Variants in RELL1 observed in about 807,000 individuals in gnomAD.
RELL1 encodes RELT-like protein 1.
A neutral mutation model predicts 23.0 loss-of-function variants in RELL1; 10 were observed. The observed-to-expected ratio is 0.43, with a 90% CI of 0.27 to 0.74. The LOEUF (loss-of-function observed/expected upper bound fraction) is 0.74, where lower values mean the gene tolerates loss of function less well. RELL1 is among the 30% of genes least tolerant of loss of function. The probability of loss-of-function intolerance (pLI) is 0.19; values close to 1 mark genes in which losing one functional copy is unlikely to be tolerated. For missense variants in RELL1, 315 were observed against 364.4 expected (o/e 0.86, Z 1.10); for synonymous variants, 146 against 146.8 (o/e 0.99, Z 0.04).
chr4:37,640,649 T>C (rs1720496488), intron 3 of RELL1, among the ~76,000 whole-genome samples: 2 of 152,198 alleles, frequency 1.3e-5, no homozygotes, highest in Admixed American at 6.5e-5. Flanking sequence ...TAATACCTAA[T>C]ACAATGGAAA....
At chr4:37,604,776 G>GACACAGAC (rs1719109099) in intron 6 of RELL1, among the ~76,000 whole-genome samples, 1 of 72,552 alleles carries the variant, frequency 1.4e-5, no homozygotes, top group Non-Finnish European at 3.2e-5. Context: ...CACACACACA[G>GACACAGAC]ACACACACAG....
intron 1 of RELL1, among the ~76,000 whole-genome samples, chr4:37,660,872 A>T (rs565887806): frequency 3.6e-4 from 55 of 152,248 alleles, no homozygotes; most frequent in Non-Finnish European, 6.8e-4. Context: ...TCTACTAAAA[A>T]TATAACAGAT....
intron 1 of RELL1, among the ~76,000 whole-genome samples, chr4:37,657,494 G>A (rs1434386610): frequency 2.6e-5 from 4 of 152,184 alleles, no homozygotes; most frequent in Non-Finnish European, 2.9e-5. Flanking sequence ...GAGACAGAGC[G>A]GGAGTATGAA....
At chr4:37,607,566 TTTTC>T (rs1484430463), downstream of RELL1, among the ~76,000 whole-genome samples, 1 of 129,746 alleles carries the variant, frequency 7.7e-6, no homozygotes, top group African/African-American at 2.9e-5. Context: ...CCATCAGCAC[TTTTC>T]TTTCTTTTCT....
chr4:37,659,664 A>T (rs1030472675), intron 1 of RELL1, among the ~76,000 whole-genome samples: 8 of 152,132 alleles, frequency 5.3e-5, no homozygotes, highest in African/African-American at 1.9e-4. Context: ...CTCATCTGAA[A>T]AATTAGAAGC....
At chr4:37,588,142 T>G (rs1352336116), downstream of RELL1, 1 of 152,104 alleles carries the variant, frequency 6.6e-6, no homozygotes, top group Non-Finnish European at 1.5e-5. Flanking sequence ...AAGCCCAGCT[T>G]GGGGAGGGGT....
intron 3 of RELL1, among the ~76,000 whole-genome samples, chr4:37,642,162 C>T (rs1473340104): frequency 3.9e-5 from 6 of 152,148 alleles, no homozygotes; most frequent in Non-Finnish European, 5.9e-5. Flanking sequence ...AGAACCCACT[C>T]GGTACTCACA....
chr4:37,664,901 G>A (rs114570785), intron 1 of RELL1, among the ~76,000 whole-genome samples: 2,571 of 152,066 alleles, frequency 0.017, 77 homozygotes, highest in African/African-American at 0.059. Context: ...GACATACCAC[G>A]GTCAAAGGCA....
intron 6 of RELL1, among the ~76,000 whole-genome samples, chr4:37,617,651 C>T (rs1376346855): frequency 2.0e-5 from 3 of 152,098 alleles, no homozygotes; most frequent in South Asian, 2.1e-4. Flanking sequence ...GGCATGATGA[C>T]GCATGCCTGT....
At chr4:37,587,691 C>A (rs1250283512), downstream of RELL1, among the ~76,000 whole-genome samples, 1 of 152,068 alleles carries the variant, frequency 6.6e-6, no homozygotes, top group African/African-American at 2.4e-5. Flanking sequence ...GCTGTAGGCC[C>A]GTCACAGTGG....
rs1719124585 is a variant in RELL1, at chr4:37,604,834, C to CAGACACACACAT, written c.*4-13618_*4-13617insATGTGTGTGTCT. On this transcript the variant is annotated intron_variant, in intron 6 of 6. Coordinates refer to the RELL1 transcript ENST00000314117. ...AGACACACACACAGACACACACATA[C>CAGACACACACAT]ACACAGACACACACACAGACACACA... Among the ~76,000 whole-genome samples the CAGACACACACAT allele has an allele frequency of 3.2e-3, 336 of 105,318 alleles. 5 individuals are homozygous for CAGACACACACAT. The highest frequency in any genetic ancestry group is 3.6e-3 in the Non-Finnish European group (193 of 53,442). The allele number at this position is 105,318 out of a possible 152,430, so 69.1% of individuals were successfully genotyped here.
chr4:37,589,722 C>A (rs764797679), downstream of RELL1, among the ~76,000 whole-genome samples: 1 of 152,170 alleles, frequency 6.6e-6, no homozygotes, highest in Non-Finnish European at 1.5e-5. Context: ...GCCTCCGCCT[C>A]CCAGGTTCAA....
intron 1 of RELL1, among the ~76,000 whole-genome samples, chr4:37,662,827 C>T (rs1253292207): frequency 2.0e-5 from 3 of 151,614 alleles, no homozygotes; most frequent in Admixed American, 6.6e-5. Flanking sequence ...AGGAAATTAA[C>T]TCTAGGATCC....
intron 1 of RELL1, among the ~76,000 whole-genome samples, chr4:37,658,319 C>T (rs542198944): frequency 4.3e-4 from 65 of 152,122 alleles, no homozygotes; most frequent in African/African-American, 1.4e-3. Context: ...AGCTAGAGTA[C>T]GAAAGAGAAC....
At chr4:37,652,266 A>T (rs951340913) in intron 1 of RELL1, among the ~76,000 whole-genome samples, 2 of 152,224 alleles carry the variant, frequency 1.3e-5, no homozygotes, top group African/African-American at 2.4e-5. Context: ...TTAGGTTTGT[A>T]AGAGGTTGCA....
intron 1 of RELL1, 43 bp downstream of exon 1, chr4:37,686,157 C>A: frequency 6.6e-7 from 1 of 1,513,198 alleles, no homozygotes; most frequent in African/African-American, 1.4e-5. Flanking sequence ...GCTCCCGGGA[C>A]CGGGCTCAGC....
intron 5 of RELL1, 95 bp from the exon 6 acceptor site, chr4:37,631,618 T>C (rs1720137614): frequency 4.4e-6 from 6 of 1,378,648 alleles, no homozygotes; most frequent in Non-Finnish European, 5.0e-6. Context: ...GGATCTCAAA[T>C]GAACTCAGCC....
chr4:37,634,931 G>C lies in RELL1; in HGVS notation c.636C>G (p.Ser212Arg). Residue 212 changes from serine to arginine, a missense_variant, in exon 5 of 7, where the codon AGC (serine) becomes AGG (arginine). By Grantham distance (110) the Ser-to-Arg change is moderately radical. Transcript: ENST00000454158. ...FIKPTNKSRE[S>R]RPRRQGEVTV... is the part of the protein sequence containing the mutation. ...TGACCTCGCCTTGGCGCCGTGGTCT[G>C]CTCTCTCTGGACTTGTTAGTGGGCT... 1 of 1,614,252 alleles carries C rather than the reference G, an allele frequency of 6.2e-7. No homozygotes were observed. Among genetic ancestry groups the C allele is most frequent in the Non-Finnish European group, 8.5e-7 (1 of 1,180,046 alleles).
downstream of RELL1, among the ~76,000 whole-genome samples, chr4:37,605,853 A>AAAGAAAG: frequency 6.8e-6 from 1 of 146,048 alleles, no homozygotes; most frequent in Non-Finnish European, 1.5e-5. Flanking sequence ...GAAGGAAAAG[A>AAAGAAAG]AAAGAAAAGA....
Sources: allele counts gnomAD v4.1 joint callset (sites outside exome capture counted in the v4.1 genomes callset), GRCh38; gene constraint gnomAD v4.1.1; transcripts MANE v1.5; gene names NCBI Gene and HGNC (gene_info 2026-07-23, HGNC 2026-07-21).